Variants in LNPK observed in about 807,000 individuals in gnomAD.
LNPK encodes the protein endoplasmic reticulum junction formation protein lunapark.
A neutral mutation model predicts 55.2 loss-of-function variants in LNPK; 29 were observed. The ratio of observed to expected loss-of-function variants is 0.53; its 90% CI spans 0.39 to 0.72. The LOEUF (loss-of-function observed/expected upper bound fraction) is 0.72, where lower values mean the gene tolerates loss of function less well. Ranked by LOEUF, LNPK falls within the 30% of genes least tolerant of loss-of-function variation. The pLI, the probability that LNPK is intolerant of heterozygous loss-of-function variation, is 0.00. For synonymous variants in LNPK, 162 were observed against 168.2 expected, an observed-to-expected ratio of 0.96 and a Z score of 0.29; for missense variants, 467 against 494.8, an observed-to-expected ratio of 0.94 and a Z score of 0.53.
At chr2:175,963,961 T>C in intron 8 of LNPK, among the ~76,000 whole-genome samples, 1 of 152,124 alleles carries the variant, frequency 6.6e-6, no homozygotes, top group Middle Eastern at 3.4e-3. Context: ...TATTTTATTC[T>C]AAAGTGTTAT....
Position 175,925,967 on chromosome 2 carries a change from CCT to C in LNPK, c.*3998_*3999del, listed in dbSNP as rs1683994449. The C allele has an allele frequency of 6.6e-6, 1 of 152,128 alleles. No homozygotes were observed. Among genetic ancestry groups the C allele is most frequent in the African/African-American group, 2.4e-5 (1 of 41,420 alleles). 9.4% of individuals were successfully genotyped at this position (152,128 alleles called of 1,614,324 possible). A position where few individuals can be genotyped will look rare whatever the true frequency, so the allele number is the denominator to read the frequency against. Reference sequence around the variant, plus strand: ...GCGTGAGCCACCACCACACCTGGCCCCTCATTTTCTGTTTTTTAAAAACTCAG... The same window carrying C: ...GCGTGAGCCACCACCACACCTGGCCCCATTTTCTGTTTTTTAAAAACTCAG... On this transcript the variant is annotated 3_prime_UTR_variant, in exon 13 of 13. Transcript: ENST00000272748.
chr2:175,967,708 C>G, intron 6 of LNPK: 1 of 976,196 alleles, frequency 1.0e-6, no homozygotes, highest in Non-Finnish European at 1.2e-6. Flanking sequence ...GATGCTTTTA[C>G]TAATTCAGAT....
chr2:175,938,841 C>T (rs1297085412), intron 10 of LNPK: 1 of 152,234 alleles, frequency 6.6e-6, no homozygotes, highest in Non-Finnish European at 1.5e-5. Context: ...TTGTTTAGTA[C>T]AACCCAAAGA....
Position 175,924,696 on chromosome 2 carries a change from A to AAC in LNPK, c.*5270_*5271insGT, listed in dbSNP as rs1216350606. ...TTACTGAAAAAAAAACAAAACAAAC[A>AAC]AAAAAAAAAAACAAAGAAGAAGTTT... is the stretch of plus-strand genomic sequence containing the variant. On this transcript the variant is annotated 3_prime_UTR_variant, in exon 13 of 13. Transcript: ENST00000272748. The AAC allele has an allele frequency of 1.3e-4, 3 of 22,986 alleles. No individual in the cohort carries two copies. The highest frequency in any genetic ancestry group is 3.2e-4 in the Non-Finnish European group (3 of 9,242). The allele number at this position is 22,986 out of a possible 1,614,324, so 1.4% of individuals were successfully genotyped here. A position where few individuals can be genotyped will look rare whatever the true frequency, so the allele number is the denominator to read the frequency against.
rs138002874 is a variant in LNPK at position 175,959,706 on chromosome 2, T to A, written c.493+4666A>T. Among the ~76,000 whole-genome samples, 486 of 152,188 alleles carry A rather than the reference T, an allele frequency of 3.2e-3. 2 individuals are homozygous for A. Among genetic ancestry groups the A allele is most frequent in the African/African-American group, 9.5e-3 (396 of 41,500 alleles). On this transcript the variant is annotated intron_variant, in intron 8 of 12. Transcript: ENST00000272748. ...ATAACGACAGGATCAAATTCACATA[T>A]AACAATATTAACCTTAAATGTAAAT...
At chr2:175,958,547 C>A (rs1170035330) in intron 8 of LNPK, among the ~76,000 whole-genome samples, 5 of 152,180 alleles carry the variant, frequency 3.3e-5, no homozygotes, top group South Asian at 2.1e-4. Flanking sequence ...GACATCTACA[C>A]CAAAACCCCA....
chr2:176,002,411 C>T (rs545778642), upstream of LNPK: 8 of 341,022 alleles, frequency 2.3e-5, no homozygotes, highest in East Asian at 2.9e-4. Flanking sequence ...AGGTTAGGAT[C>T]TTGTGTTTGT....
Position 175,964,544 on chromosome 2 carries a change from T to C in LNPK, c.403A>G (p.Ile135Val). Residue 135 changes from isoleucine to valine, a missense_variant, in exon 7 of 13, where the codon ATT becomes GTT. Coordinates refer to ENST00000272748, the MANE Select transcript of LNPK (RefSeq NM_030650.3). ...GAGTCCGGATCAAACCTTTCAAGAA[T>C]TAATTTAGCCGTCTTGTAAGTTTCT... ...EKETYKTAKL[I>V]LERFDPDSKK... is the part of the protein sequence containing the mutation. The C allele has an allele frequency of 6.2e-7, 1 of 1,611,504 alleles. No homozygotes were observed. The highest frequency in any genetic ancestry group is 8.5e-7 in the Non-Finnish European group (1 of 1,178,134).
rs751640496 is a variant in LNPK, at chr2:175,954,100, T to C, written c.494-6408A>G. 5.9e-5 allele frequency among the ~76,000 whole-genome samples: 9 copies of C among 152,176 alleles called. No individual in the cohort carries two copies. The East Asian group carries it at 9.6e-4, about 16-fold the overall frequency. ...AATTATTATTAAAAGTTATAATGCA[T>C]TGTAATTTGTGCCTATCTTCATTTT... On this transcript the variant is annotated intron_variant, in intron 8 of 12. Coordinates refer to ENST00000272748, the MANE Select transcript of LNPK (RefSeq NM_030650.3).
At chr2:175,937,162 C>A (rs991801143) in intron 12 of LNPK, among the ~76,000 whole-genome samples, 182 bp downstream of exon 12, 1 of 152,088 alleles carries the variant, frequency 6.6e-6, no homozygotes, top group African/African-American at 2.4e-5. Context: ...ATACAACCTG[C>A]ATGTTAAAAG....
intron 12 of LNPK, among the ~76,000 whole-genome samples, chr2:175,931,170 T>C (rs186340607): frequency 1.8e-4 from 27 of 152,302 alleles, no homozygotes; most frequent in African/African-American, 6.0e-4. Flanking sequence ...AGTAGAAATA[T>C]GGCCAAACCA....
chr2:175,925,075 C>T lies in LNPK; in HGVS notation c.*4892G>A, dbSNP rs2105493554. The T allele has an allele frequency of 6.6e-6, 1 of 152,048 alleles. No individual in the cohort carries two copies. Among genetic ancestry groups the T allele is most frequent in the East Asian group, 1.9e-4 (1 of 5,184 alleles). The allele number at this position is 152,048 out of a possible 1,614,324, so 9.4% of individuals were successfully genotyped here. A position where few individuals can be genotyped will look rare whatever the true frequency, so the allele number is the denominator to read the frequency against. The stretch of plus-strand genomic sequence containing the variant: ...ACCACATATAGCACCATTTCTAAGT[C>T]ATTTAGGATTTTCGGAAACTCAGCA... On this transcript the variant is annotated 3_prime_UTR_variant, in exon 13 of 13. Transcript: ENST00000272748.
At chr2:175,939,929 T>C (rs1356430315) in intron 9 of LNPK, among the ~76,000 whole-genome samples, 2 of 152,116 alleles carry the variant, frequency 1.3e-5, no homozygotes, top group Non-Finnish European at 2.9e-5. Context: ...AATAAAATTA[T>C]GCTTAGTTCT....
rs755802481 is a variant in LNPK, at chr2:175,938,412, A to C, written c.813-29T>G. 4 of 1,328,182 alleles carry C rather than the reference A, an allele frequency of 3.0e-6. No individual in the cohort carries two copies. In the African/African-American group the frequency reaches 5.9e-5, roughly 19 times the overall value. The allele number at this position is 1,328,182 out of a possible 1,614,324, so 82.3% of individuals were successfully genotyped here. A position where few individuals can be genotyped will look rare whatever the true frequency, so the allele number is the denominator to read the frequency against. ...CACCGTAAGGAAAAATGAACAGACC[A>C]GTTACAAATGCAAACAAAGCTCATG... On this transcript the variant is annotated intron_variant, in intron 10 of 12. Transcript: ENST00000272748.
intron 8 of LNPK, among the ~76,000 whole-genome samples, chr2:175,951,574 T>G (rs986154175): frequency 7.2e-6 from 1 of 138,166 alleles, no homozygotes; most frequent in African/African-American, 2.8e-5. Context: ...CTGAGTAGTA[T>G]TCCATCATTC....
At chr2:175,957,809 G>A (rs1574845824) in intron 8 of LNPK, among the ~76,000 whole-genome samples, 1 of 152,312 alleles carries the variant, frequency 6.6e-6, no homozygotes, top group South Asian at 2.1e-4. Context: ...CCAAGCCAAG[G>A]GAAGCCGTCA....
At chr2:175,983,193 T>G (rs1251863555) in intron 4 of LNPK, among the ~76,000 whole-genome samples, 1 of 152,098 alleles carries the variant, frequency 6.6e-6, no homozygotes, top group East Asian at 1.9e-4. Flanking sequence ...CTCAGTTTGG[T>G]TCCAATAAAA....
chr2:175,938,578 C>T (rs929213172), intron 10 of LNPK, 195 bp from the exon 11 acceptor site: 1 of 374,918 alleles, frequency 2.7e-6, no homozygotes, highest in African/African-American at 2.1e-5. Flanking sequence ...AAATTTCAAG[C>T]ATTTAAAAAT....
At chr2:175,950,477 C>T (rs1008651904) in intron 8 of LNPK, among the ~76,000 whole-genome samples, 3 of 151,996 alleles carry the variant, frequency 2.0e-5, no homozygotes, top group African/African-American at 7.2e-5. Flanking sequence ...ATTTAATCAT[C>T]ATAAATTGTA....
Sources: allele counts gnomAD v4.1 joint callset (sites outside exome capture counted in the v4.1 genomes callset), GRCh38; gene constraint gnomAD v4.1.1; transcripts MANE v1.5; gene names NCBI Gene and HGNC (gene_info 2026-07-23, HGNC 2026-07-21).